SLC34A2: variants seen among roughly 807,000 people sequenced by gnomAD.
The protein encoded by SLC34A2 is sodium-dependent phosphate transport protein 2B.
In SLC34A2, 41 loss-of-function variants were observed where a neutral mutation model predicts 50.8. The ratio of observed to expected loss-of-function variants is 0.81; its 90% CI spans 0.63 to 1.05. The LOEUF is 1.05. Among genes scored for constraint, SLC34A2 ranks in the 50% least tolerant of loss-of-function variants. The probability of loss-of-function intolerance (pLI) is 0.00; values close to 1 mark genes in which losing one functional copy is unlikely to be tolerated. For synonymous variants in SLC34A2, 401 were observed against 364.2 expected (o/e 1.10, Z -1.15); for missense variants, 879 against 876.7 (o/e 1.00, Z -0.03).
chr4:25,668,662 TA>T (rs1237378794), intron 6 of SLC34A2, among the ~76,000 whole-genome samples: 187 of 149,530 alleles, frequency 1.3e-3, no homozygotes, highest in African/African-American at 4.5e-3. Flanking sequence ...AAAAAATAAA[TA>T]AATACTGTTT....
chr4:25,673,027 A>T, intron 9 of SLC34A2, 60 bp from the exon 10 acceptor site: 1 of 1,557,322 alleles, frequency 6.4e-7, no homozygotes, highest in South Asian at 1.1e-5. Context: ...GGGAATAAAT[A>T]ACAATCTGTA....
chr4:25,677,560 T>A lies in SLC34A2; in HGVS notation c.*811T>A, dbSNP rs1008653691. ...TTCTGCCAAAAGGGCCCCAGATTCTTAATTTAGCAAACTAAGAAGCCCAAT... is the reference window on the plus strand; with the variant it reads ...TTCTGCCAAAAGGGCCCCAGATTCTAAATTTAGCAAACTAAGAAGCCCAAT... On this transcript the variant is annotated 3_prime_UTR_variant, in exon 13 of 13. Coordinates refer to ENST00000382051, the MANE Select transcript of SLC34A2 (RefSeq NM_006424.3). 6.6e-6 allele frequency: 1 copy of A among 152,202 alleles called. No homozygotes were observed. The highest frequency in any genetic ancestry group is 2.4e-5 in the African/African-American group (1 of 41,442). The allele number at this position is 152,202 out of a possible 1,614,324, so 9.4% of individuals were successfully genotyped here.
chr4:25,669,735 G>T lies in SLC34A2; in HGVS notation c.724G>T (p.Glu242Ter), dbSNP rs77356826. 1 of 1,614,140 alleles carries T rather than the reference G, an allele frequency of 6.2e-7. No individual in the cohort carries two copies. The highest frequency in any genetic ancestry group is 1.7e-5 in the Admixed American group (1 of 60,026). The change falls in exon 7 of 13, where the codon GAG becomes TAG. Residue 242 changes from glutamate (E) to a stop codon, truncating the protein, a stop_gained. Coordinates refer to ENST00000382051, the MANE Select transcript of SLC34A2 (RefSeq NM_006424.3). LOFTEE classifies it high-confidence loss of function. Reference protein sequence around the residue: ...LPVEVATHYLEIITQLIVESF... With the variant: ...LPVEVATHYL ...CGTGGAGGTGGCCACCCATTACCTC[G>T]AGATCATAACCCAGCTTATAGTGGA... is the stretch of plus-strand genomic sequence containing the variant.
chr4:25,659,073 G>A (rs1390576570), intron 1 of SLC34A2, among the ~76,000 whole-genome samples: 2 of 151,966 alleles, frequency 1.3e-5, no homozygotes, highest in African/African-American at 4.8e-5. Flanking sequence ...TAGACCTAAG[G>A]CCCCTGGGTG....
chr4:25,666,343 G>T, intron 5 of SLC34A2, 72 bp downstream of exon 5: 1 of 1,561,088 alleles, frequency 6.4e-7, no homozygotes. Flanking sequence ...GGGAAGGACG[G>T]GGGAGGAATT....
In SLC34A2 at chr4:25,662,548, G is replaced by A. The variant is rs758725458; in HGVS notation, c.48G>A (p.Lys16=). ...GAGATGCCCAGCCCAACCCCGATAAGTACCTCGAAGGGGCCGCAGGTCAGC... is the reference window on the plus strand; with the variant it reads ...GAGATGCCCAGCCCAACCCCGATAAATACCTCGAAGGGGCCGCAGGTCAGC... ...ELGDAQPNPD[K]YLEGAAGQQP... Residue 16 remains lysine (K), a synonymous_variant, in exon 2 of 13, where the codon AAG becomes AAA. Coordinates refer to ENST00000382051, the MANE Select transcript of SLC34A2 (RefSeq NM_006424.3). The A allele has an allele frequency of 1.2e-6, 2 of 1,614,016 alleles. No homozygotes were observed. Among genetic ancestry groups the A allele is most frequent in the Admixed American group, 1.7e-5 (1 of 60,010 alleles).
Position 25,676,948 on chromosome 4 carries a change from A to C in SLC34A2, c.*199A>C. ...GGCACTTTTATTCCAACCCCTGGTC[A>C]CTCAGTAATCTTTTACTCCAGGAAG... is the stretch of plus-strand genomic sequence containing the variant. On this transcript the variant is annotated 3_prime_UTR_variant, in exon 13 of 13. Transcript: ENST00000382051. The C allele has an allele frequency of 1.5e-6, 1 of 653,842 alleles. No individual in the cohort carries two copies. Among genetic ancestry groups the C allele is most frequent in the Non-Finnish European group, 2.7e-6 (1 of 376,034 alleles). The allele number at this position is 653,842 out of a possible 1,614,324, so 40.5% of individuals were successfully genotyped here. A position where few individuals can be genotyped will look rare whatever the true frequency, so the allele number is the denominator to read the frequency against.
chr4:25,674,891 A>C (rs762953308), intron 12 of SLC34A2, among the ~76,000 whole-genome samples: 1 of 152,184 alleles, frequency 6.6e-6, no homozygotes, highest in Non-Finnish European at 1.5e-5. Flanking sequence ...TAGATGTGGA[A>C]AAGGTACTTA....
At chr4:25,666,102 T>TTTG (rs1714484336) in intron 4 of SLC34A2, 26 bp from the exon 5 acceptor site, 1 of 1,594,372 alleles carries the variant, frequency 6.3e-7, no homozygotes. Flanking sequence ...TGTGATTGTT[T>TTTG]TTGTTTGTTT....
Position 25,662,522 on chromosome 4 carries a change from G to A in SLC34A2, c.22G>A (p.Gly8Arg), listed in dbSNP as rs1258669601. Reference protein sequence around the residue: MAPWPELGDAQPNPDKYL... With the variant: MAPWPELRDAQPNPDKYL... ...GACCATGGCTCCCTGGCCTGAATTG[G>A]GAGATGCCCAGCCCAACCCCGATAA... The change falls in exon 2 of 13, where the codon GGA becomes AGA. Residue 8 changes from glycine (G) to arginine (R), a missense_variant. By Grantham distance (125) the Gly-to-Arg change is moderately radical. Transcript: ENST00000382051. 9 of 1,614,018 alleles carry A rather than the reference G, an allele frequency of 5.6e-6. No homozygotes were observed. Among genetic ancestry groups the A allele is most frequent in the Non-Finnish European group, 7.6e-6 (9 of 1,179,994 alleles).
chr4:25,669,239 C>T (rs1023830515), intron 6 of SLC34A2, among the ~76,000 whole-genome samples: 2 of 152,018 alleles, frequency 1.3e-5, no homozygotes, highest in East Asian at 3.9e-4. Flanking sequence ...AGGTGCCCAC[C>T]GCTTTGGGGA....
chr4:25,670,208 A>C (rs1714742676), intron 7 of SLC34A2, among the ~76,000 whole-genome samples: 1 of 152,228 alleles, frequency 6.6e-6, no homozygotes, highest in South Asian at 2.1e-4. Context: ...TGGGTGACAA[A>C]GTGAGACTGT....
In SLC34A2 at chr4:25,669,576, G is replaced by A. The variant is rs1292036773; in HGVS notation, c.636-71G>A. 6 of 1,368,990 alleles carry A rather than the reference G, an allele frequency of 4.4e-6. No homozygotes were observed. The African/African-American group carries it at 7.1e-5, about 16-fold the overall frequency. 84.8% of individuals were successfully genotyped at this position (1,368,990 alleles called of 1,614,324 possible). A position where few individuals can be genotyped will look rare whatever the true frequency, so the allele number is the denominator to read the frequency against. On this transcript the variant is annotated intron_variant, in intron 6 of 12. Coordinates refer to ENST00000382051, the MANE Select transcript of SLC34A2 (RefSeq NM_006424.3). Reference sequence around the variant, plus strand: ...TAGCAGAGGGTGGCAGATGATACAGGTAATGACCCACCTCACATGGTGCCC... The same window carrying A: ...TAGCAGAGGGTGGCAGATGATACAGATAATGACCCACCTCACATGGTGCCC...
intron 9 of SLC34A2, 49 bp downstream of exon 9, chr4:25,671,770 G>T (rs535464450): frequency 1.9e-6 from 3 of 1,613,678 alleles, no homozygotes; most frequent in South Asian, 1.1e-5. Context: ...TTGTCTGGGG[G>T]TGACCTATTT....
Position 25,676,123 on chromosome 4 carries a change from C to T in SLC34A2, c.1459-12C>T. On this transcript the variant is annotated splice_polypyrimidine_tract_variant and intron_variant, in intron 12 of 12. Transcript: ENST00000382051. ...AACAGGCCCCTCACCTGTCCAACCT[C>T]TTGTGTTGCAGATCGCCCTGTGCCA... is the stretch of plus-strand genomic sequence containing the variant. 2 of 1,613,816 alleles carry T rather than the reference C, an allele frequency of 1.2e-6. No homozygotes were observed. Among genetic ancestry groups the T allele is most frequent in the Non-Finnish European group, 8.5e-7 (1 of 1,180,024 alleles).
chr4:25,671,732 C>A lies in SLC34A2; in HGVS notation c.1048+11C>A. Reference sequence around the variant, plus strand: ...AGAACATCGCCAAATGTGAGTGGAGCTCAGTGGATTGGCCACTATGACAGG... The same window carrying A: ...AGAACATCGCCAAATGTGAGTGGAGATCAGTGGATTGGCCACTATGACAGG... On this transcript the variant is annotated intron_variant, in intron 9 of 12. Transcript: ENST00000382051. 7 of 1,614,200 alleles carry A rather than the reference C, an allele frequency of 4.3e-6. No individual in the cohort carries two copies. The highest frequency in any genetic ancestry group is 5.9e-6 in the Non-Finnish European group (7 of 1,180,042).
Position 25,676,803 on chromosome 4 carries a change from C to T in SLC34A2, c.*54C>T, listed in dbSNP as rs954195092. Reference sequence around the variant, plus strand: ...GGATGGTCCTTGAGTTTTGCATGCTCTCCTCCCTCCCACTTCTGCACCCTT... The same window carrying T: ...GGATGGTCCTTGAGTTTTGCATGCTTTCCTCCCTCCCACTTCTGCACCCTT... On this transcript the variant is annotated 3_prime_UTR_variant, in exon 13 of 13. Coordinates refer to ENST00000382051, the MANE Select transcript of SLC34A2 (RefSeq NM_006424.3). 1.2e-6 allele frequency: 2 copies of T among 1,610,940 alleles called. No homozygotes were observed. Among genetic ancestry groups the T allele is most frequent in the South Asian group, 1.1e-5 (1 of 90,758 alleles).
intron 12 of SLC34A2, among the ~76,000 whole-genome samples, chr4:25,675,329 C>A (rs1252837703): frequency 6.6e-6 from 1 of 152,236 alleles, no homozygotes; most frequent in African/African-American, 2.4e-5. Context: ...CTGCACCCAG[C>A]CGGGGATTTG....
intron 6 of SLC34A2, 150 bp from the exon 7 acceptor site, chr4:25,669,497 A>G: frequency 2.6e-6 from 2 of 776,624 alleles, no homozygotes; most frequent in South Asian, 2.8e-5. Context: ...GGGGATCGAT[A>G]TGAGAGAACA....
Sources: allele counts gnomAD v4.1 joint callset (sites outside exome capture counted in the v4.1 genomes callset), GRCh38; gene constraint gnomAD v4.1.1; transcripts MANE v1.5; gene names NCBI Gene and HGNC (gene_info 2026-07-23, HGNC 2026-07-21).